HSD17B4: variants seen among roughly 807,000 people sequenced by gnomAD.
HSD17B4 encodes the protein hydroxysteroid 17-beta dehydrogenase 4, also known as peroxisomal multifunctional enzyme type 2.
HSD17B4 carries 70 observed loss-of-function variants against 101.0 expected under a neutral mutation model. The observed-to-expected ratio is 0.69, with a 90% CI of 0.57 to 0.85. HSD17B4 has a LOEUF of 0.85. Ranked by LOEUF, HSD17B4 falls within the 40% of genes least tolerant of loss-of-function variation. The probability of loss-of-function intolerance (pLI) is 0.00; values close to 1 mark genes in which losing one functional copy is unlikely to be tolerated. For missense variants in HSD17B4, 984 were observed against 892.4 expected (o/e 1.10, Z -1.31); for synonymous variants, 347 against 297.1 (o/e 1.17, Z -1.73).
At chr5:119,500,766 T>C (rs577756467) in intron 13 of HSD17B4, among the ~76,000 whole-genome samples, 2 of 152,088 alleles carry the variant, frequency 1.3e-5, no homozygotes, top group East Asian at 3.9e-4. Flanking sequence ...TGGTGAGGTA[T>C]GAGGAGTATC....
At chr5:119,461,679 T>G (rs1006242506) in intron 2 of HSD17B4, among the ~76,000 whole-genome samples, 31 of 144,350 alleles carry the variant, frequency 2.1e-4, no homozygotes, top group Non-Finnish European at 4.0e-4. Context: ...GCCATGAGTT[T>G]AAGACCAGCC....
chr5:119,465,840 G>C (rs1181220779), intron 2 of HSD17B4, among the ~76,000 whole-genome samples: 2 of 152,082 alleles, frequency 1.3e-5, no homozygotes, highest in Non-Finnish European at 2.9e-5. Context: ...AATTGTCCTG[G>C]CTAGTACTTT....
chr5:119,508,403 T>G (rs1751861387), intron 15 of HSD17B4, among the ~76,000 whole-genome samples: 1 of 152,236 alleles, frequency 6.6e-6, no homozygotes, highest in Non-Finnish European at 1.5e-5. Flanking sequence ...TTATTTGAAC[T>G]ACATTGGCAT....
At chr5:119,503,248 CAA>C (rs1751349126) in intron 14 of HSD17B4, among the ~76,000 whole-genome samples, 2 of 151,858 alleles carry the variant, frequency 1.3e-5, no homozygotes, top group Admixed American at 1.3e-4. Flanking sequence ...TAGAAATGTG[CAA>C]GATAGGTTTC....
intron 2 of HSD17B4, chr5:119,471,611 A>T: frequency 9.5e-7 from 1 of 1,057,004 alleles, no homozygotes; most frequent in African/African-American, 1.6e-5. Context: ...CTATTTATTA[A>T]TTAGTAACTT....
chr5:119,500,893 G>A (rs778478952), intron 13 of HSD17B4, among the ~76,000 whole-genome samples: 6 of 152,240 alleles, frequency 3.9e-5, no homozygotes, highest in Non-Finnish European at 7.4e-5. Context: ...TAAGATTCAG[G>A]TTATGAGCCT....
At chr5:119,488,286 A>T (rs1561453313) in intron 8 of HSD17B4, among the ~76,000 whole-genome samples, 1 of 152,134 alleles carries the variant, frequency 6.6e-6, no homozygotes, top group Non-Finnish European at 1.5e-5. Flanking sequence ...CCAAAATCAA[A>T]GTCTTCATGT....
intron 9 of HSD17B4, among the ~76,000 whole-genome samples, chr5:119,490,072 A>G (rs1749964633): frequency 6.6e-6 from 1 of 151,874 alleles, no homozygotes; most frequent in African/African-American, 2.4e-5. Context: ...CCTGTTGTAT[A>G]CAGAACCTGT....
intron 2 of HSD17B4, among the ~76,000 whole-genome samples, chr5:119,469,346 A>T (rs899735559): frequency 6.8e-6 from 1 of 146,972 alleles, no homozygotes; most frequent in African/African-American, 2.5e-5. Context: ...AAAGGTATCT[A>T]TTTTTATTTC....
At chr5:119,521,832 C>G (rs1170104051) in intron 17 of HSD17B4, among the ~76,000 whole-genome samples, 1 of 150,384 alleles carries the variant, frequency 6.6e-6, no homozygotes, top group Admixed American at 6.6e-5. Context: ...TGTTTTGTTA[C>G]AGTTTTCTTC....
In HSD17B4 at chr5:119,489,823, G is replaced by T. The variant is rs560246461; in HGVS notation, c.714+540G>T. 2.0e-3 allele frequency among the ~76,000 whole-genome samples: 304 copies of T among 151,842 alleles called. 3 individuals are homozygous for T. The highest frequency in any genetic ancestry group is 2.7e-3 in the Non-Finnish European group (185 of 67,964). Reference sequence around the variant, plus strand: ...CATTATTTATTTTTACATAAAAAATGAACTTTTCTGTTTTTTTTATTGCAG... The same window carrying T: ...CATTATTTATTTTTACATAAAAAATTAACTTTTCTGTTTTTTTTATTGCAG... On this transcript the variant is annotated intron_variant, in intron 9 of 23. Transcript: ENST00000510025.
At chr5:119,519,618 G>A (rs947746977) in intron 17 of HSD17B4, among the ~76,000 whole-genome samples, 2 of 152,160 alleles carry the variant, frequency 1.3e-5, no homozygotes, top group African/African-American at 4.8e-5. Context: ...CTGCTGATCA[G>A]CCCATGTTTT....
intron 7 of HSD17B4, among the ~76,000 whole-genome samples, chr5:119,478,621 G>T (rs1401706235): frequency 1.3e-5 from 2 of 152,116 alleles, no homozygotes; most frequent in East Asian, 1.9e-4. Context: ...TCTGGCCAGA[G>T]AATCTTTTTA....
At chr5:119,474,488 G>A (rs1386113780) in intron 4 of HSD17B4, 28 bp downstream of exon 4, 1 of 1,408,348 alleles carries the variant, frequency 7.1e-7, no homozygotes, top group African/African-American at 1.4e-5. Flanking sequence ...TATGGCTCTT[G>A]TGGAGCAACT....
intron 14 of HSD17B4, among the ~76,000 whole-genome samples, chr5:119,503,953 C>T (rs888547064): frequency 2.6e-5 from 4 of 151,998 alleles, no homozygotes; most frequent in Admixed American, 6.6e-5. Context: ...TCTAGTAGTC[C>T]CCATTGTCTG....
chr5:119,517,898 C>G (rs895146911), intron 17 of HSD17B4, among the ~76,000 whole-genome samples: 3 of 152,108 alleles, frequency 2.0e-5, no homozygotes, highest in Non-Finnish European at 4.4e-5. Context: ...CTGGTGGGGC[C>G]TTGGAGAACC....
rs1240918269 is a variant in HSD17B4, at chr5:119,475,620, C to G, written c.281-86C>G. ...TTTACTTTTTCATGGTTAAAAAACGCCAGTTTTGAGAGAAATGTGAGTTGT... is the reference window on the plus strand; with the variant it reads ...TTTACTTTTTCATGGTTAAAAAACGGCAGTTTTGAGAGAAATGTGAGTTGT... On this transcript the variant is annotated intron_variant, in intron 4 of 23. Coordinates refer to ENST00000510025, the MANE Select transcript of HSD17B4 (RefSeq NM_000414.4). 12 of 1,086,730 alleles carry G rather than the reference C, an allele frequency of 1.1e-5. No individual in the cohort carries two copies. The African/African-American group carries it at 1.6e-4, about 14-fold the overall frequency. The allele number at this position is 1,086,730 out of a possible 1,614,324, so 67.3% of individuals were successfully genotyped here. A position where few individuals can be genotyped will look rare whatever the true frequency, so the allele number is the denominator to read the frequency against.
At chr5:119,525,424 A>G (rs2126874295) in intron 18 of HSD17B4, 139 bp downstream of exon 18, 1 of 689,816 alleles carries the variant, frequency 1.4e-6, no homozygotes, top group South Asian at 1.6e-5. Context: ...ACATTTATGC[A>G]AAGGATATGG....
rs777792528 is a variant in HSD17B4 at position 119,507,013 on chromosome 5, G to A, written c.1333+124G>A. On this transcript the variant is annotated intron_variant, in intron 15 of 23. Transcript: ENST00000510025. ...TGTCTTCCAATTTGTTAGAAAACAA[G>A]ATAAGCATTTTTAAACTCTTTAAGA... The A allele has an allele frequency of 1.2e-3, 681 of 579,074 alleles. 1 individual carries two copies. The highest frequency in any genetic ancestry group is 1.8e-3 in the Non-Finnish European group (566 of 319,382). The allele number at this position is 579,074 out of a possible 1,614,324, so 35.9% of individuals were successfully genotyped here.
Sources: gnomAD v4.1 joint callset for allele counts (sites outside exome capture counted in the v4.1 genomes callset) on GRCh38, gnomAD v4.1.1 for gene constraint, MANE v1.5 for transcripts, NCBI Gene and HGNC (gene_info 2026-07-23, HGNC 2026-07-21) for gene names.